MTCL2: variants seen among roughly 807,000 people sequenced by gnomAD.
MTCL2 encodes microtubule cross-linking factor 2.
the MTCL2 span, chr20:36,793,566 C>G: frequency 3.2e-6 from 5 of 1,551,566 alleles, no homozygotes; most frequent in Non-Finnish European, 4.4e-6. This position sits in a 1 kb window ranked among gnomAD's most constrained non-coding sequence, Gnocchi z 6.8. Context: ...CAGACAGACT[C>G]CGTGCTCCCT....
the MTCL2 span, among the ~76,000 whole-genome samples, chr20:36,847,152 TGAG>T: frequency 1.3e-5 from 2 of 152,218 alleles, no homozygotes; most frequent in Non-Finnish European, 2.9e-5. Context: ...GTTTTGCAGA[TGAG>T]GAGACGAGGC....
the MTCL2 span, among the ~76,000 whole-genome samples, chr20:36,788,736 G>C: frequency 6.6e-6 from 1 of 152,070 alleles, no homozygotes; most frequent in African/African-American, 2.4e-5. Context: ...TGTGACCTTG[G>C]GAGATTTACT....
the MTCL2 span, chr20:36,863,366 C>A: frequency 8.6e-7 from 1 of 1,161,804 alleles, no homozygotes; most frequent in Non-Finnish European, 1.1e-6. The surrounding 1 kb of genome is among the most constrained non-coding windows in gnomAD (Gnocchi z 6.2). Flanking sequence ...TCGGCCTCAG[C>A]GAGCTGCGCG....
the MTCL2 span, chr20:36,815,446 C>G: frequency 6.2e-7 from 1 of 1,610,042 alleles, no homozygotes; most frequent in Non-Finnish European, 8.5e-7. This position sits in a 1 kb window ranked among gnomAD's most constrained non-coding sequence, Gnocchi z 5.3. Context: ...ACATCGATGG[C>G]CTTACTGACC....
At chr20:36,859,503 C>G in the MTCL2 span, 1 of 985,406 alleles carries the variant, frequency 1.0e-6, no homozygotes, top group East Asian at 3.3e-5. Flanking sequence ...CACAAACCCT[C>G]TATCTTTATC....
the MTCL2 span, among the ~76,000 whole-genome samples, chr20:36,811,827 A>AGAGATGCTCAGAAAGGTGCTC: frequency 6.6e-6 from 1 of 152,150 alleles, no homozygotes; most frequent in East Asian, 1.9e-4. Flanking sequence ...TTGTCTTCCA[A>AGAGATGCTCAGAAAGGTGCTC]GAGATGCTCA....
chr20:36,836,266 C>T, the MTCL2 span, among the ~76,000 whole-genome samples: 1 of 152,102 alleles, frequency 6.6e-6, no homozygotes, highest in South Asian at 2.1e-4. Flanking sequence ...CCTTTAACTC[C>T]TGGACTCAAG....
the MTCL2 span, among the ~76,000 whole-genome samples, chr20:36,795,854 A>G: frequency 6.6e-3 from 1,005 of 152,226 alleles, 12 homozygotes; most frequent in African/African-American, 0.023. Context: ...ATGAGTTCAC[A>G]CCCCTAAACA....
chr20:36,788,260 G>A, the MTCL2 span, among the ~76,000 whole-genome samples: 1 of 151,584 alleles, frequency 6.6e-6, no homozygotes, highest in African/African-American at 2.4e-5. Context: ...TGAGACAGGA[G>A]GATCCTTTGA....
chr20:36,845,721 T>C, the MTCL2 span, among the ~76,000 whole-genome samples: 2 of 152,194 alleles, frequency 1.3e-5, no homozygotes, highest in Non-Finnish European at 2.9e-5. Context: ...CTTTGTTCTG[T>C]TCCAGAGGTT....
chr20:36,836,581 TGATC>T, the MTCL2 span, among the ~76,000 whole-genome samples: 14 of 152,060 alleles, frequency 9.2e-5, no homozygotes, highest in South Asian at 2.7e-3. Flanking sequence ...TGACCTCAGG[TGATC>T]CATCCGCCTC....
At chr20:36,835,191 G>A in the MTCL2 span, among the ~76,000 whole-genome samples, 1 of 152,250 alleles carries the variant, frequency 6.6e-6, no homozygotes, top group South Asian at 2.1e-4. Flanking sequence ...CACAGCAAAC[G>A]TGGCACAGCA....
At chr20:36,801,047 T>C in the MTCL2 span, among the ~76,000 whole-genome samples, 1 of 152,326 alleles carries the variant, frequency 6.6e-6, no homozygotes, top group East Asian at 1.9e-4. Context: ...GAACTTTTTT[T>C]TTCTTTTTTT....
At chr20:36,816,260 C>T in the MTCL2 span, 623 of 1,607,720 alleles carry the variant, frequency 3.9e-4, no homozygotes, top group Non-Finnish European at 5.2e-4. Context: ...TGAGGGCTGA[C>T]TCCTCCTTTG....
the MTCL2 span, among the ~76,000 whole-genome samples, chr20:36,788,906 G>C: frequency 6.7e-6 from 1 of 150,054 alleles, no homozygotes; most frequent in Non-Finnish European, 1.5e-5. Flanking sequence ...TCCCGGGTTC[G>C]AGCGATTCTC....
the MTCL2 span, chr20:36,793,588 C>A: frequency 6.4e-7 from 1 of 1,551,684 alleles, no homozygotes; most frequent in Non-Finnish European, 8.7e-7. This position sits in a 1 kb window ranked among gnomAD's most constrained non-coding sequence, Gnocchi z 6.8. Flanking sequence ...AGTGCTCCAC[C>A]ACACTGAAGA....
the MTCL2 span, among the ~76,000 whole-genome samples, chr20:36,832,137 G>A: frequency 2.6e-5 from 4 of 152,238 alleles, no homozygotes; most frequent in African/African-American, 7.2e-5. Flanking sequence ...AAGTGAAAAG[G>A]GAGGGAGATG....
the MTCL2 span, chr20:36,810,103 T>C: frequency 6.3e-7 from 1 of 1,594,832 alleles, no homozygotes. Context: ...CTGCAGCTCC[T>C]TGATCTGTGG....
the MTCL2 span, chr20:36,797,559 G>A: frequency 1.3e-5 from 21 of 1,556,944 alleles, no homozygotes; most frequent in African/African-American, 8.2e-5. Context: ...CCCAGGGGTC[G>A]GCAGCCTTCT....
Sources: gnomAD v4.1 joint callset for allele counts (sites outside exome capture counted in the v4.1 genomes callset) on GRCh38, gnomAD v4.1.1 for gene constraint, Gnocchi (gnomAD v3.1) non-coding constraint, MANE v1.5 for transcripts, NCBI Gene and HGNC (gene_info 2026-07-23, HGNC 2026-07-21) for gene names.